MB21D2: variants seen among roughly 807,000 people sequenced by gnomAD.
MB21D2 encodes the protein nucleotidyltransferase MB21D2.
A neutral mutation model predicts 33.3 loss-of-function variants in MB21D2; 9 were observed. The observed-to-expected ratio is 0.27, with a 90% CI of 0.16 to 0.47. MB21D2 has a LOEUF of 0.47. Among genes scored for constraint, MB21D2 ranks in the 20% least tolerant of loss-of-function variants. MB21D2 has a pLI of 0.99. For missense variants in MB21D2, 540 were observed against 624.6 expected (o/e 0.86, Z 1.44); for synonymous variants, 241 against 236.3 (o/e 1.02, Z -0.18).
At chr3:192,808,428 A>G (rs943958638) in intron 1 of MB21D2, among the ~76,000 whole-genome samples, 1 of 152,266 alleles carries the variant, frequency 6.6e-6, no homozygotes, top group Non-Finnish European at 1.5e-5. Flanking sequence ...ATCTTCAAAT[A>G]TCTGATAAGC....
At chr3:192,832,376 CA>C (rs1390924452) in intron 1 of MB21D2, among the ~76,000 whole-genome samples, 2 of 152,074 alleles carry the variant, frequency 1.3e-5, no homozygotes, top group African/African-American at 4.8e-5. Flanking sequence ...TACTGAAGGC[CA>C]ATGCAAAAAA....
chr3:192,813,735 C>T (rs914479916), intron 1 of MB21D2, among the ~76,000 whole-genome samples: 1 of 152,100 alleles, frequency 6.6e-6, no homozygotes, highest in African/African-American at 2.4e-5. Flanking sequence ...CTAATCTGAC[C>T]ACACACAATT....
At chr3:192,831,000 C>T (rs1022860391) in intron 1 of MB21D2, among the ~76,000 whole-genome samples, 2 of 152,148 alleles carry the variant, frequency 1.3e-5, no homozygotes, top group African/African-American at 4.8e-5. Context: ...CAGCCCACAC[C>T]CAGTGATCCT....
Position 192,841,070 on chromosome 3 carries a change from A to G in MB21D2, c.212-41420T>C, listed in dbSNP as rs1455653366. Among the ~76,000 whole-genome samples the G allele has an allele frequency of 2.6e-5, 4 of 152,328 alleles. No individual in the cohort carries two copies. The East Asian group carries it at 7.7e-4, about 29-fold the overall frequency. On this transcript the variant is annotated intron_variant, in intron 1 of 1. Transcript: ENST00000392452. The stretch of plus-strand genomic sequence containing the variant: ...ACTTAGATAACCAATCCTTCCAGGC[A>G]CCAGTTACCTCTATCTCTTAAAAAA...
In MB21D2 at chr3:192,804,130, G is replaced by A. The variant is rs955884857; in HGVS notation, c.212-4480C>T. 3.9e-5 allele frequency among the ~76,000 whole-genome samples: 6 copies of A among 152,182 alleles called. No individual in the cohort carries two copies. The South Asian group carries it at 1.0e-3, about 26-fold the overall frequency. On this transcript the variant is annotated intron_variant, in intron 1 of 1. Coordinates refer to ENST00000392452, the MANE Select transcript of MB21D2 (RefSeq NM_178496.4). ...CCTAAGTTTAAGGAATGTGTTTCAC[G>A]TCATGCTTTCAGTTATTTACTGATT...
chr3:192,832,562 C>T lies in MB21D2; in HGVS notation c.212-32912G>A, dbSNP rs546767227. On this transcript the variant is annotated intron_variant, in intron 1 of 1. Transcript: ENST00000392452. ...ATCCCAGCACCTTGAGAGGCTGAGG[C>T]GGGCGGATCACGAGGTCAAGAGATT... Among the ~76,000 whole-genome samples the T allele has an allele frequency of 6.0e-4, 91 of 152,250 alleles. 1 individual carries two copies. The highest frequency in any genetic ancestry group is 1.2e-3 in the Non-Finnish European group (82 of 68,002).
intron 1 of MB21D2, among the ~76,000 whole-genome samples, chr3:192,899,942 A>T (rs1447503631): frequency 1.3e-5 from 2 of 152,082 alleles, no homozygotes; most frequent in Admixed American, 1.3e-4. Flanking sequence ...GGCAGTCAAG[A>T]GGTCTGAGCT....
At chr3:192,877,659 T>C (rs1025084784) in intron 1 of MB21D2, among the ~76,000 whole-genome samples, 22 of 152,230 alleles carry the variant, frequency 1.4e-4, no homozygotes, top group African/African-American at 5.1e-4. Flanking sequence ...ACATATATAC[T>C]GTACAACATG....
chr3:192,829,438 T>C (rs550068983), intron 1 of MB21D2, among the ~76,000 whole-genome samples: 8 of 152,352 alleles, frequency 5.3e-5, no homozygotes, highest in African/African-American at 1.7e-4. Context: ...TTTGACTTTC[T>C]TGTAAAGTGT....
intron 1 of MB21D2, among the ~76,000 whole-genome samples, chr3:192,900,278 C>T (rs1714065435): frequency 1.0e-5 from 1 of 98,988 alleles, no homozygotes; most frequent in Admixed American, 1.3e-4. Flanking sequence ...GAGCAAGACT[C>T]TGTCTCAAAA....
chr3:192,796,834 C>CT lies in MB21D2; in HGVS notation c.*1551dup, dbSNP rs574485000. The CT allele has an allele frequency of 2.0e-5, 3 of 152,120 alleles. No individual in the cohort carries two copies. Among genetic ancestry groups the CT allele is most frequent in the Admixed American group, 2.0e-4 (3 of 15,248 alleles). The allele number at this position is 152,120 out of a possible 1,614,324, so 9.4% of individuals were successfully genotyped here. On this transcript the variant is annotated 3_prime_UTR_variant, in exon 2 of 2. Transcript: ENST00000392452. Reference sequence around the variant, plus strand: ...ACAAAATTTCAAGGCCAGTATGTTTCTTTTTTTATTATTTTTGTGTTTGAC... The same window carrying CT: ...ACAAAATTTCAAGGCCAGTATGTTTCTTTTTTTTATTATTTTTGTGTTTGAC...
At chr3:192,833,423 A>G (rs1009474786) in intron 1 of MB21D2, among the ~76,000 whole-genome samples, 2 of 152,236 alleles carry the variant, frequency 1.3e-5, no homozygotes, top group South Asian at 4.1e-4. Context: ...TTTCTGCAAA[A>G]ACAAAACAAA....
In MB21D2 at chr3:192,869,866, A is replaced by G. The variant is rs555674928; in HGVS notation, c.211+47764T>C. ...CAGCAGTCTATAACCTGCTGAGCTG[A>G]GCTAGGAAAGGTACTCAAACAGCAG... On this transcript the variant is annotated intron_variant, in intron 1 of 1. Transcript: ENST00000392452. Among the ~76,000 whole-genome samples, 47 of 152,340 alleles carry G rather than the reference A, an allele frequency of 3.1e-4. No homozygotes were observed. The South Asian group carries it at 9.1e-3, about 30-fold the overall frequency.
intron 1 of MB21D2, among the ~76,000 whole-genome samples, chr3:192,825,321 T>C (rs1231377094): frequency 2.0e-5 from 3 of 152,186 alleles, no homozygotes; most frequent in African/African-American, 4.8e-5. Context: ...AACAGAGGCC[T>C]GGATAAATGT....
At chr3:192,845,789 T>C (rs1350799072) in intron 1 of MB21D2, among the ~76,000 whole-genome samples, 1 of 152,190 alleles carries the variant, frequency 6.6e-6, no homozygotes, top group East Asian at 1.9e-4. Context: ...CAGGGGCCAG[T>C]GGCTGGGGGC....
intron 1 of MB21D2, among the ~76,000 whole-genome samples, chr3:192,833,461 A>G (rs970526656): frequency 2.0e-5 from 3 of 152,228 alleles, no homozygotes; most frequent in African/African-American, 7.2e-5. Context: ...TCATTTTTAA[A>G]CATCTCATTT....
chr3:192,876,945 G>C (rs1013870236), intron 1 of MB21D2, among the ~76,000 whole-genome samples: 7 of 152,288 alleles, frequency 4.6e-5, no homozygotes, highest in Admixed American at 3.9e-4. Flanking sequence ...CGCTGGTTGA[G>C]TGAAATGATG....
At chr3:192,824,410 A>G (rs1577173752) in intron 1 of MB21D2, among the ~76,000 whole-genome samples, 2 of 152,118 alleles carry the variant, frequency 1.3e-5, no homozygotes, top group Non-Finnish European at 2.9e-5. Context: ...AGAAGAGGTA[A>G]TATCTTGAGT....
At chr3:192,823,252 C>A (rs1044367594) in intron 1 of MB21D2, among the ~76,000 whole-genome samples, 2 of 152,288 alleles carry the variant, frequency 1.3e-5, no homozygotes, top group South Asian at 4.1e-4. Flanking sequence ...TCATGTCATA[C>A]AAAAATGAAT....
Sources: gnomAD v4.1 joint callset for allele counts (sites outside exome capture counted in the v4.1 genomes callset) on GRCh38, gnomAD v4.1.1 for gene constraint, MANE v1.5 for transcripts, NCBI Gene and HGNC (gene_info 2026-07-23, HGNC 2026-07-21) for gene names.